Variants in CCDC180 observed in about 807,000 individuals in gnomAD.
CCDC180 encodes coiled-coil domain containing 180.
In CCDC180, 154 loss-of-function variants were observed where a neutral mutation model predicts 209.2. That is an observed-to-expected ratio of 0.74 (90% CI 0.65 to 0.84). The LOEUF is 0.84. Ranked by LOEUF, CCDC180 falls within the 40% of genes least tolerant of loss-of-function variation. The pLI, the probability that CCDC180 is intolerant of heterozygous loss-of-function variation, is 0.00. For synonymous variants in CCDC180, 778 were observed against 749.1 expected, an observed-to-expected ratio of 1.04 and a Z score of -0.63; for missense variants, 1,874 against 1,997.3, an observed-to-expected ratio of 0.94 and a Z score of 1.18.
chr9:97,370,243 G>T (rs1457177477), intron 32 of CCDC180, among the ~76,000 whole-genome samples, 161 bp downstream of exon 32: 1 of 152,140 alleles, frequency 6.6e-6, no homozygotes. Context: ...GGCGAAATAA[G>T]AACTGAGCCA....
rs185136755 is a variant in CCDC180, at chr9:97,349,346, G to A, written c.2855+55G>A. 2.6e-4 allele frequency: 384 copies of A among 1,475,054 alleles called. 1 individual carries two copies. The African/African-American group carries it at 4.5e-3, about 17-fold the overall frequency. The allele number at this position is 1,475,054 out of a possible 1,614,324, so 91.4% of individuals were successfully genotyped here. A position where few individuals can be genotyped will look rare whatever the true frequency, so the allele number is the denominator to read the frequency against. On this transcript the variant is annotated intron_variant, in intron 21 of 36. Transcript: ENST00000529487. ...CCATGTGGCTCTGGAATCCCAGTTC[G>A]GCTGCTGCTTTCAAAGGAGCCCCCC...
chr9:97,345,413 T>C (rs978080606), intron 19 of CCDC180, among the ~76,000 whole-genome samples: 5 of 152,232 alleles, frequency 3.3e-5, no homozygotes, highest in African/African-American at 1.2e-4. Context: ...GATATAGTTA[T>C]AGTGGTGTTT....
intron 21 of CCDC180, 50 bp from the exon 22 acceptor site, chr9:97,350,359 C>T (rs1826388953): frequency 6.6e-7 from 1 of 1,524,378 alleles, no homozygotes; most frequent in Non-Finnish European, 8.8e-7. Flanking sequence ...CTCCCTTGTC[C>T]CCCAGGGTTG....
At chr9:97,312,330 C>G in intron 4 of CCDC180, 129 bp downstream of exon 4, 1 of 709,682 alleles carries the variant, frequency 1.4e-6, no homozygotes, top group Non-Finnish European at 2.4e-6. Context: ...CTCGGCTCAG[C>G]CACCCGGAGG....
Position 97,377,001 on chromosome 9 carries a change from C to G in CCDC180, c.*107C>G. On this transcript the variant is annotated 3_prime_UTR_variant, in exon 37 of 37. Coordinates refer to ENST00000529487, the MANE Select transcript of CCDC180 (RefSeq NM_020893.6). ...TCCCTCCCTCCCTTCATCCCTCCAC[C>G]CCTGCTCTGTGCCGGGCACTGTAGC... 7.5e-7 allele frequency: 1 copy of G among 1,326,998 alleles called. No homozygotes were observed. Among genetic ancestry groups the G allele is most frequent in the Non-Finnish European group, 1.0e-6 (1 of 973,842 alleles). 82.2% of individuals were successfully genotyped at this position (1,326,998 alleles called of 1,614,324 possible).
intron 18 of CCDC180, among the ~76,000 whole-genome samples, chr9:97,339,367 T>C (rs1272999622): frequency 6.6e-6 from 1 of 152,212 alleles, no homozygotes; most frequent in Non-Finnish European, 1.5e-5. Context: ...TGACAAAATC[T>C]CTCAGCATTT....
chr9:97,350,539 T>C lies in CCDC180; in HGVS notation c.2986T>C (p.Phe996Leu), dbSNP rs889791064. 3.3e-6 allele frequency: 5 copies of C among 1,536,324 alleles called. No homozygotes were observed. Among genetic ancestry groups the C allele is most frequent in the Non-Finnish European group, 4.4e-6 (5 of 1,147,010 alleles). Reference protein sequence around the residue: ...LGKLRYSNIEFIKHCRLFSEG... With the variant: ...LGKLRYSNIELIKHCRLFSEG... ...CAAACTCCGCTACTCAAATATTGAG[T>C]TCATCAAACACTGCAGGTGGGAGCC... is the stretch of plus-strand genomic sequence containing the variant. Residue 996 changes from phenylalanine (F) to leucine (L), a missense_variant, in exon 22 of 37, where the codon TTC becomes CTC. Transcript: ENST00000529487.
At chr9:97,320,276 A>T in intron 11 of CCDC180, 71 bp downstream of exon 11, 8 of 1,373,796 alleles carry the variant, frequency 5.8e-6, no homozygotes, top group Non-Finnish European at 7.3e-6. Flanking sequence ...GCTGAAGCTC[A>T]GCCAAATGAG....
chr9:97,338,019 A>G (rs1196477810), intron 18 of CCDC180, among the ~76,000 whole-genome samples: 1 of 152,052 alleles, frequency 6.6e-6, no homozygotes, highest in East Asian at 1.9e-4. Flanking sequence ...TATCCCCTTT[A>G]TCATTTTTTA....
intron 8 of CCDC180, among the ~76,000 whole-genome samples, chr9:97,316,554 A>G (rs1199324797): frequency 1.3e-5 from 2 of 152,204 alleles, no homozygotes; most frequent in Non-Finnish European, 2.9e-5. Flanking sequence ...GTGCCATGCA[A>G]TGGAGGATCA....
chr9:97,350,119 C>A (rs941609785), intron 21 of CCDC180, among the ~76,000 whole-genome samples: 1 of 152,060 alleles, frequency 6.6e-6, no homozygotes, highest in African/African-American at 2.4e-5. Flanking sequence ...CAAATAGACT[C>A]CCAGGTTGTC....
chr9:97,363,177 G>A (rs1826816542), intron 28 of CCDC180, among the ~76,000 whole-genome samples: 1 of 152,242 alleles, frequency 6.6e-6, no homozygotes, highest in South Asian at 2.1e-4. Context: ...GGCATCCCAC[G>A]TGATTGGTTA....
At chr9:97,357,866 A>C in intron 25 of CCDC180, 141 bp downstream of exon 25, 1 of 612,018 alleles carries the variant, frequency 1.6e-6, no homozygotes. Context: ...GAGCCTTCCT[A>C]CTTAACCCCT....
intron 9 of CCDC180, 39 bp from the exon 10 acceptor site, chr9:97,318,424 T>G (rs775053551): frequency 6.2e-7 from 1 of 1,609,344 alleles, no homozygotes; most frequent in African/African-American, 1.3e-5. Flanking sequence ...GCCCTGCTCC[T>G]CCTCTCCCCT....
At chr9:97,364,162 T>G (rs779244933) in intron 29 of CCDC180, 34 bp downstream of exon 29, 3 of 1,605,110 alleles carry the variant, frequency 1.9e-6, no homozygotes, top group Non-Finnish European at 2.6e-6. Flanking sequence ...TGACTGCATT[T>G]AACCTGTTTT....
chr9:97,322,475 T>C (rs1390816166), intron 11 of CCDC180, among the ~76,000 whole-genome samples: 1 of 152,188 alleles, frequency 6.6e-6, no homozygotes, highest in Non-Finnish European at 1.5e-5. Flanking sequence ...TGCATTCCGT[T>C]TTTCAGGGAT....
chr9:97,307,558 C>G (rs1045237733), upstream of CCDC180: 3 of 635,246 alleles, frequency 4.7e-6, no homozygotes, highest in Non-Finnish European at 8.5e-6. Context: ...TCAGGTTACT[C>G]TCTCCCTCCA....
intron 35 of CCDC180, 38 bp downstream of exon 35, chr9:97,374,686 T>C: frequency 6.6e-7 from 1 of 1,525,152 alleles, no homozygotes; most frequent in East Asian, 2.3e-5. Flanking sequence ...TGTAAATGGC[T>C]GTATCTGCTG....
chr9:97,326,904 A>G (rs1368125039), intron 15 of CCDC180, among the ~76,000 whole-genome samples: 1 of 152,208 alleles, frequency 6.6e-6, no homozygotes, highest in Non-Finnish European at 1.5e-5. Context: ...CTTAAGTTCA[A>G]GAACATGGGG....
Sources: gnomAD v4.1 joint callset for allele counts (sites outside exome capture counted in the v4.1 genomes callset) on GRCh38, gnomAD v4.1.1 for gene constraint, MANE v1.5 for transcripts, NCBI Gene and HGNC (gene_info 2026-07-23, HGNC 2026-07-21) for gene names.